Variants in P2RX7 observed in about 807,000 individuals in gnomAD.
P2RX7 encodes purinergic receptor P2X 7, also known as P2X purinoceptor 7.
Under a neutral mutation model 71.6 loss-of-function variants are expected in P2RX7, and 62 were observed. The observed-to-expected ratio is 0.87, with a 90% CI of 0.71 to 1.07. The LOEUF is 1.07. P2RX7 is among the 50% of genes least tolerant of loss of function. The probability of loss-of-function intolerance (pLI) is 0.00; values close to 1 mark genes in which losing one functional copy is unlikely to be tolerated. For missense variants in P2RX7, 686 were observed against 748.5 expected (o/e 0.92, Z 0.97); for synonymous variants, 299 against 283.3 (o/e 1.06, Z -0.56).
chr12:121,166,204 A>G lies in P2RX7; in HGVS notation c.744+17A>G, dbSNP rs924840177. ...GCAATTCAGGTTGGTGGTGCTTTGT[A>G]CACTGGGATGTGGGGCTGTGTGTCT... On this transcript the variant is annotated intron_variant, in intron 7 of 12. Coordinates refer to ENST00000328963, the MANE Select transcript of P2RX7 (RefSeq NM_002562.6). 1.2e-6 allele frequency: 2 copies of G among 1,609,906 alleles called. No homozygotes were observed. The highest frequency in any genetic ancestry group is 1.7e-6 in the Non-Finnish European group (2 of 1,177,318).
chr12:121,143,565 A>G (rs1297571551), intron 1 of P2RX7, among the ~76,000 whole-genome samples: 1 of 149,598 alleles, frequency 6.7e-6, no homozygotes, highest in Non-Finnish European at 1.5e-5. Context: ...AAAAAAAAAA[A>G]TCGGCCAGGC....
In P2RX7 at chr12:121,184,367, G is replaced by A. The variant is rs374947896; in HGVS notation, c.1353G>A (p.Pro451=). Residue 451 remains proline, a synonymous_variant, in exon 13 of 13, where the codon CCG becomes CCA. Transcript: ENST00000328963. ...RLPLALHDTP[P]IPGQPEEIQL... is the part of the protein sequence containing the mutation. ...CCCTGGCCCTCCATGACACACCCCC[G>A]ATTCCTGGACAACCAGAGGAGATAC... 16 of 1,613,926 alleles carry A rather than the reference G, an allele frequency of 9.9e-6. No homozygotes were observed. Among genetic ancestry groups the A allele is most frequent in the African/African-American group, 9.3e-5 (7 of 74,904 alleles).
At chr12:121,136,268 C>T (rs1873632629) in intron 1 of P2RX7, among the ~76,000 whole-genome samples, 1 of 151,412 alleles carries the variant, frequency 6.6e-6, no homozygotes, top group South Asian at 2.1e-4. Context: ...GTCACAATTT[C>T]ATGTAGCAGG....
chr12:121,136,137 T>A (rs1873597739), intron 1 of P2RX7, among the ~76,000 whole-genome samples: 1 of 146,412 alleles, frequency 6.8e-6, no homozygotes, highest in East Asian at 2.0e-4. Flanking sequence ...GTATTTTATA[T>A]ATTTATATAT....
intron 3 of P2RX7, 63 bp downstream of exon 3, chr12:121,156,210 G>A: frequency 7.3e-7 from 1 of 1,361,190 alleles, no homozygotes; most frequent in Non-Finnish European, 1.1e-6. Context: ...GTGCAAGTCG[G>A]AAGAAGCAGA....
At chr12:121,153,826 C>T (rs1444809620) in intron 1 of P2RX7, among the ~76,000 whole-genome samples, 1 of 152,036 alleles carries the variant, frequency 6.6e-6, no homozygotes, top group Non-Finnish European at 1.5e-5. Context: ...AAGAGTAACT[C>T]CTGCAGCCTG....
At chr12:121,157,767 A>T (rs933760818) in intron 3 of P2RX7, among the ~76,000 whole-genome samples, 56 of 152,246 alleles carry the variant, frequency 3.7e-4, no homozygotes, top group Non-Finnish European at 1.6e-4. Flanking sequence ...CAGGCAGGTG[A>T]CTCTTCACCT....
chr12:121,136,323 T>C (rs1873644468), intron 1 of P2RX7, among the ~76,000 whole-genome samples: 1 of 151,746 alleles, frequency 6.6e-6, no homozygotes, highest in Non-Finnish European at 1.5e-5. Context: ...ACAATCTTTT[T>C]ATTTCTTTTT....
chr12:121,166,258 G>A, intron 7 of P2RX7, 71 bp downstream of exon 7: 1 of 1,530,646 alleles, frequency 6.5e-7, no homozygotes, highest in South Asian at 1.2e-5. Flanking sequence ...ACAGCCAAGA[G>A]GCCGGGCCAC....
intron 1 of P2RX7, among the ~76,000 whole-genome samples, chr12:121,153,970 A>G (rs1378844992): frequency 1.3e-5 from 2 of 151,982 alleles, no homozygotes; most frequent in Non-Finnish European, 2.9e-5. Flanking sequence ...AAAATAATAA[A>G]AACTAGCTGA....
intron 12 of P2RX7, among the ~76,000 whole-genome samples, chr12:121,182,963 A>G (rs2915641): frequency 0.39 from 58,840 of 151,920 alleles, 11,849 homozygotes; most frequent in African/African-American, 0.45. Flanking sequence ...GGATCACAAG[A>G]TCAGGAGATT....
At chr12:121,147,076 C>T (rs997717574) in intron 1 of P2RX7, among the ~76,000 whole-genome samples, 1 of 152,170 alleles carries the variant, frequency 6.6e-6, no homozygotes, top group African/African-American at 2.4e-5. Context: ...ACAAGATCAA[C>T]CACAAAAATT....
At chr12:121,156,186 A>G (rs1878535113) in intron 3 of P2RX7, 39 bp downstream of exon 3, 1 of 1,546,192 alleles carries the variant, frequency 6.5e-7, no homozygotes, top group Non-Finnish European at 8.9e-7. Context: ...AGGTCTTAAG[A>G]GTTCCTGGGG....
chr12:121,175,604 T>A, intron 9 of P2RX7, 126 bp downstream of exon 9: 2 of 635,578 alleles, frequency 3.1e-6, no homozygotes, highest in Non-Finnish European at 5.9e-6. Context: ...ATTTCGCACA[T>A]GGGATAAAAG....
intron 8 of P2RX7, among the ~76,000 whole-genome samples, chr12:121,171,260 G>A (rs1229106142): frequency 6.6e-6 from 1 of 151,946 alleles, no homozygotes; most frequent in Non-Finnish European, 1.5e-5. Flanking sequence ...TCCAGCGTCT[G>A]GTGGCTCCAG....
chr12:121,137,815 AG>A (rs1874009497), intron 1 of P2RX7, among the ~76,000 whole-genome samples: 1 of 152,252 alleles, frequency 6.6e-6, no homozygotes. Context: ...AGCAATGTTC[AG>A]GATACAGCAG....
intron 12 of P2RX7, 111 bp downstream of exon 12, chr12:121,180,566 CA>C: frequency 1.8e-6 from 1 of 562,218 alleles, no homozygotes; most frequent in Non-Finnish European, 3.1e-6. Context: ...ACAAAGTAAA[CA>C]TACTCATATA....
In P2RX7 at chr12:121,184,526, G is replaced by A; in HGVS notation, c.1512G>A (p.Gly504=). 2 of 1,614,208 alleles carry A rather than the reference G, an allele frequency of 1.2e-6. No individual in the cohort carries two copies. The highest frequency in any genetic ancestry group is 2.2e-5 in the South Asian group (2 of 91,090). ...LEELCCRKKP[G]ACITTSELFR... ...AGCTGTGCTGCCGGAAAAAGCCGGG[G>A]GCCTGCATCACCACCTCAGAGCTGT... is the stretch of plus-strand genomic sequence containing the variant. The change falls in exon 13 of 13, where the codon GGG becomes GGA. Residue 504 remains glycine, a synonymous_variant. Coordinates refer to ENST00000328963, the MANE Select transcript of P2RX7 (RefSeq NM_002562.6).
At position 121,180,475 on chromosome 12, in the gene P2RX7, CTTT is replaced by C. The variant is rs112146943; in HGVS notation, c.1290+32_1290+34del. On this transcript the variant is annotated intron_variant, in intron 12 of 12. Transcript: ENST00000328963. ...GTCCCAGTAAGTTAAATCATTTTGT[CTTT>C]TTTTTTTTTTTAAGAAAATTTACTG... is the stretch of plus-strand genomic sequence containing the variant. 1.7e-4 allele frequency: 173 copies of C among 1,009,024 alleles called. No individual in the cohort carries two copies. Among genetic ancestry groups the C allele is most frequent in the Middle Eastern group, 6.9e-4 (3 of 4,338 alleles). 62.5% of individuals were successfully genotyped at this position (1,009,024 alleles called of 1,614,324 possible).
Sources: gnomAD v4.1 joint callset for allele counts (sites outside exome capture counted in the v4.1 genomes callset) on GRCh38, gnomAD v4.1.1 for gene constraint, MANE v1.5 for transcripts, NCBI Gene and HGNC (gene_info 2026-07-23, HGNC 2026-07-21) for gene names.